The following UBR4 variants were observed in gnomAD, a reference collection of about 807,000 sequenced individuals.
The protein encoded by UBR4 is ubiquitin protein ligase E3 component n-recognin 4, also known as E3 ubiquitin-protein ligase UBR4.
A neutral mutation model predicts 575.6 loss-of-function variants in UBR4; 124 were observed. The ratio of observed to expected loss-of-function variants is 0.22; its 90% CI spans 0.19 to 0.25. UBR4 has a LOEUF of 0.25. Among genes scored for constraint, UBR4 ranks in the 10% least tolerant of loss-of-function variants. The pLI is 1.00. For synonymous variants in UBR4, 2,455 were observed against 2,473.7 expected, an observed-to-expected ratio of 0.99 and a Z score of 0.22; for missense variants, 4,818 against 6,478.8, an observed-to-expected ratio of 0.74 and a Z score of 8.80.
intron 8 of UBR4, 136 bp from the exon 9 acceptor site, chr1:19,193,693 C>G: frequency 8.3e-7 from 1 of 1,211,866 alleles, no homozygotes. Context: ...AAGAGCAAGA[C>G]TAAATAGGTT....
chr1:19,119,487 T>C, intron 70 of UBR4, 70 bp downstream of exon 70: 1 of 1,565,366 alleles, frequency 6.4e-7, no homozygotes, highest in East Asian at 2.3e-5. Flanking sequence ...TTGTTCATAA[T>C]ATTCTTAACT....
chr1:19,149,700 T>C (rs534989392), intron 49 of UBR4: 259 of 1,255,946 alleles, frequency 2.1e-4, no homozygotes, highest in Admixed American at 3.1e-4. Flanking sequence ...AGCCACACCA[T>C]TGGTTACACG....
chr1:19,198,352 T>C (rs2092578527), intron 5 of UBR4, among the ~76,000 whole-genome samples, 189 bp downstream of exon 5: 1 of 152,220 alleles, frequency 6.6e-6, no homozygotes, highest in Non-Finnish European at 1.5e-5. Context: ...AAAACAGTAA[T>C]AACCGTGGAC....
rs1232449304 is a variant in UBR4 at position 19,123,027 on chromosome 1, G to A, written c.9622C>T (p.Arg3208Cys). ...AAGAGCAGAAGTTTGCGGACTTGAC[G>A]GCGCACAAATGGAGTCTGCTGGATC... ...LMIQQTPFVR[R>C]QVRKLLLFIC... The change falls in exon 66 of 106, where the codon CGT (arginine) becomes TGT (cysteine). Residue 3208 changes from arginine (R) to cysteine (C), a missense_variant. By Grantham distance (180) the Arg-to-Cys change is radical. Coordinates refer to ENST00000375254, the MANE Select transcript of UBR4 (RefSeq NM_020765.3). 6 of 1,614,196 alleles carry A rather than the reference G, an allele frequency of 3.7e-6. No individual in the cohort carries two copies. The highest frequency in any genetic ancestry group is 5.1e-6 in the Non-Finnish European group (6 of 1,180,032).
chr1:19,153,670 G>A lies in UBR4; in HGVS notation c.6630+98C>T. The stretch of plus-strand genomic sequence containing the variant: ...AAAAAGGACTGAAAATCTTTTATGG[G>A]CCTCCATTGAAAGAGCTGGGAAAGT... On this transcript the variant is annotated intron_variant, in intron 45 of 105. Transcript: ENST00000375254. This position sits in a 1 kb window ranked among gnomAD's most constrained non-coding sequence, Gnocchi z 4.1. 4 of 1,506,036 alleles carry A rather than the reference G, an allele frequency of 2.7e-6. No homozygotes were observed. In the South Asian group the frequency reaches 5.2e-5, roughly 20 times the overall value. The allele number at this position is 1,506,036 out of a possible 1,614,324, so 93.3% of individuals were successfully genotyped here. A position where few individuals can be genotyped will look rare whatever the true frequency, so the allele number is the denominator to read the frequency against.
Position 19,100,248 on chromosome 1 carries a change from CAG to C in UBR4, c.13221+126_13221+127del. ...GGTGGGAATCATTAACCCCAACTTA[CAG>C]AGTGGAGAAACTGAAGGCCACCTGC... On this transcript the variant is annotated intron_variant, in intron 89 of 105. Transcript: ENST00000375254. This position sits in a 1 kb window ranked among gnomAD's most constrained non-coding sequence, Gnocchi z 4.2. The C allele has an allele frequency of 4.2e-6, 4 of 949,606 alleles. No individual in the cohort carries two copies. Among genetic ancestry groups the C allele is most frequent in the Non-Finnish European group, 6.5e-6 (4 of 613,398 alleles). 58.8% of individuals were successfully genotyped at this position (949,606 alleles called of 1,614,324 possible).
In UBR4 at chr1:19,086,274, G is replaced by A. The variant is rs1202040952; in HGVS notation, c.14688-4C>T. On this transcript the variant is annotated splice_polypyrimidine_tract_variant and splice_region_variant and intron_variant, in intron 100 of 105. Transcript: ENST00000375254. The stretch of plus-strand genomic sequence containing the variant: ...CTCTTCCCGGCCTCGAGCCAACCTG[G>A]ATAGGGAGGAGAGCAGGGACAAGCG... 2 of 1,600,396 alleles carry A rather than the reference G, an allele frequency of 1.2e-6. No individual in the cohort carries two copies. The highest frequency in any genetic ancestry group is 2.2e-5 in the South Asian group (2 of 90,858).
Position 19,184,122 on chromosome 1 carries a change from G to A in UBR4, c.1992C>T (p.Asn664=). Residue 664 remains asparagine, a synonymous_variant, in exon 16 of 106, where the codon AAC becomes AAT. Coordinates refer to ENST00000375254, the MANE Select transcript of UBR4 (RefSeq NM_020765.3). ...AGTTTCGGATAAAATTGTTCCGAGA[G>A]TTCAGCATGGAAGAGGTGATGAAGT... ...ILNFITSSML[N]SRNNFIRNYL... is the part of the protein sequence containing the mutation. 1.2e-6 allele frequency: 2 copies of A among 1,614,200 alleles called. No individual in the cohort carries two copies.
At chr1:19,205,869 A>G (rs1297443320) in intron 1 of UBR4, among the ~76,000 whole-genome samples, 1 of 152,218 alleles carries the variant, frequency 6.6e-6, no homozygotes. Flanking sequence ...TTTATCATTA[A>G]AAAGGCCAGG....
Position 19,093,699 on chromosome 1 carries a change from G to A in UBR4, c.13938-213C>T, listed in dbSNP as rs996471430. Among the ~76,000 whole-genome samples, 16 of 152,078 alleles carry A rather than the reference G, an allele frequency of 1.1e-4. No homozygotes were observed. The highest frequency in any genetic ancestry group is 2.9e-4 in the African/African-American group (12 of 41,404). On this transcript the variant is annotated intron_variant, in intron 95 of 105. Transcript: ENST00000375254. The surrounding 1 kb of genome is among the most constrained non-coding windows in gnomAD (Gnocchi z 4.8). The stretch of plus-strand genomic sequence containing the variant: ...AGCCTTCTCTTGCACTCACATTTGC[G>A]CACACGTGGCTCCATCTCGTCATAT...
chr1:19,097,850 A>G (rs764038320), intron 90 of UBR4, among the ~76,000 whole-genome samples: 1 of 152,232 alleles, frequency 6.6e-6, no homozygotes, highest in African/African-American at 2.4e-5. Context: ...GTCTTTATAT[A>G]ACCATACAAG....
Position 19,161,868 on chromosome 1 carries a change from G to A in UBR4, c.4986C>T (p.Cys1662=). The change falls in exon 36 of 106, where the codon TGC becomes TGT. Residue 1662 remains cysteine (C), a synonymous_variant. Coordinates refer to ENST00000375254, the MANE Select transcript of UBR4 (RefSeq NM_020765.3). ...ATTCTTTCTGTGTGATCGTAAAAGT[G>A]CAGAGTTTATTGCAAAGAGAATCTT... The part of the protein sequence containing the change: ...SDEDSLCNKL[C]TFTITQKEFM... 2 of 1,614,226 alleles carry A rather than the reference G, an allele frequency of 1.2e-6. No homozygotes were observed. Among genetic ancestry groups the A allele is most frequent in the Non-Finnish European group, 1.7e-6 (2 of 1,180,042 alleles).
In UBR4 at chr1:19,155,580, T is replaced by C; in HGVS notation, c.6161A>G (p.Asn2054Ser). ...SKIRDVTFLFNEEGKNIIVIM... is the reference protein window; with the variant it reads ...SKIRDVTFLFSEEGKNIIVIM... ...AACAATGATGTTCTTTCCCTCCTCA[T>C]TGAAAAGGAAGGTAACATCTCTTAT... is the stretch of plus-strand genomic sequence containing the variant. Residue 2054 changes from asparagine (N) to serine (S), a missense_variant, in exon 43 of 106, where the codon AAT (asparagine) becomes AGT (serine). Asn to Ser is a conservative substitution (Grantham distance 46). This residue lies in a region of UBR4 where 461 missense variants were observed against 606.9 expected (regional missense o/e 0.76). Transcript: ENST00000375254. 4 of 1,614,130 alleles carry C rather than the reference T, an allele frequency of 2.5e-6. No homozygotes were observed. Among genetic ancestry groups the C allele is most frequent in the Non-Finnish European group, 3.4e-6 (4 of 1,180,012 alleles).
At chr1:19,138,811 A>G (rs1029998562) in intron 59 of UBR4, among the ~76,000 whole-genome samples, 1 of 152,194 alleles carries the variant, frequency 6.6e-6, no homozygotes, top group Non-Finnish European at 1.5e-5. Flanking sequence ...AAAAAGACTT[A>G]CGCATGTCAT....
chr1:19,187,079 T>C lies in UBR4; in HGVS notation c.1632+85A>G, dbSNP rs540314847. 2.9e-4 allele frequency: 165 copies of C among 569,088 alleles called. 1 individual carries two copies. The African/African-American group carries it at 0.011, about 37-fold the overall frequency. 35.3% of individuals were successfully genotyped at this position (569,088 alleles called of 1,614,324 possible). A position where few individuals can be genotyped will look rare whatever the true frequency, so the allele number is the denominator to read the frequency against. On this transcript the variant is annotated intron_variant, in intron 13 of 105. Coordinates refer to ENST00000375254, the MANE Select transcript of UBR4 (RefSeq NM_020765.3). Reference sequence around the variant, plus strand: ...TCTTATTCATTTCAAGAAAGTTTTATATATATATATATATATACATATATA... The same window carrying C: ...TCTTATTCATTTCAAGAAAGTTTTACATATATATATATATATACATATATA...
intron 22 of UBR4, among the ~76,000 whole-genome samples, chr1:19,173,989 G>A (rs2089939184): frequency 1.3e-5 from 2 of 152,146 alleles, no homozygotes; most frequent in Non-Finnish European, 2.9e-5. Context: ...CTAGAATATA[G>A]AGACACATTA....
At chr1:19,101,129 C>T (rs183944836) in intron 88 of UBR4, among the ~76,000 whole-genome samples, 6 of 152,266 alleles carry the variant, frequency 3.9e-5, no homozygotes, top group Admixed American at 3.9e-4. Flanking sequence ...AAAACACACG[C>T]TGCATGTGTG....
At chr1:19,174,897 A>C in intron 21 of UBR4, 57 bp downstream of exon 21, 1 of 1,515,642 alleles carries the variant, frequency 6.6e-7, no homozygotes, top group South Asian at 1.1e-5. Context: ...CAGTAGGCTG[A>C]TTCTGGTGGA....
chr1:19,127,657 C>T lies in UBR4; in HGVS notation c.9194G>A (p.Arg3065His), dbSNP rs769174742. 3.7e-6 allele frequency: 6 copies of T among 1,614,068 alleles called. No individual in the cohort carries two copies. The highest frequency in any genetic ancestry group is 2.2e-5 in the East Asian group (1 of 44,886). ...VMRLLSVFMS[R>H]TKSGSKSSIC... ...GGAAGACTTGGATCCAGATTTGGTG[C>T]GGGACATGAAGACACTCAGGAGTCT... Residue 3065 changes from arginine to histidine, a missense_variant, in exon 63 of 106, where the codon CGC (arginine) becomes CAC (histidine). Arg to His is a conservative substitution (Grantham distance 29, BLOSUM62 0). Coordinates refer to ENST00000375254, the MANE Select transcript of UBR4 (RefSeq NM_020765.3).
Sources: gnomAD v4.1 joint callset for allele counts (sites outside exome capture counted in the v4.1 genomes callset) on GRCh38, gnomAD v4.1.1 for gene constraint, gnomAD v4.1.1 regional missense constraint, Gnocchi (gnomAD v3.1) non-coding constraint, MANE v1.5 for transcripts, NCBI Gene and HGNC (gene_info 2026-07-23, HGNC 2026-07-21) for gene names.